The following NRXN1 variants were observed in gnomAD, a reference collection of about 807,000 sequenced individuals.
The protein encoded by NRXN1 is neurexin-1.
A neutral mutation model predicts 150.9 loss-of-function variants in NRXN1; 39 were observed. The ratio of observed to expected loss-of-function variants is 0.26; its 90% CI spans 0.20 to 0.34. The LOEUF (loss-of-function observed/expected upper bound fraction) is 0.34. NRXN1 is among the 10% of genes least tolerant of loss of function. NRXN1 has a pLI of 1.00. For missense variants in NRXN1, 1,815 were observed against 1,949.9 expected (o/e 0.93, Z 1.30); for synonymous variants, 924 against 757.0 (o/e 1.22, Z -3.62).
chr2:50,975,877 G>T (rs1195187200), intron 2 of NRXN1, among the ~76,000 whole-genome samples: 1 of 152,092 alleles, frequency 6.6e-6, no homozygotes, highest in Non-Finnish European at 1.5e-5. Flanking sequence ...ATCAATGTTA[G>T]GGGAAGAAGA....
At chr2:50,549,161 C>T (rs2093558174) in intron 9 of NRXN1, among the ~76,000 whole-genome samples, 1 of 152,080 alleles carries the variant, frequency 6.6e-6, no homozygotes, top group Non-Finnish European at 1.5e-5. Flanking sequence ...ACCTCTGAAT[C>T]TTACTGTTTC....
intron 5 of NRXN1, among the ~76,000 whole-genome samples, chr2:50,761,576 C>A (rs913063024): frequency 2.0e-5 from 3 of 151,894 alleles, no homozygotes; most frequent in African/African-American, 7.2e-5. Context: ...GGTATTTCTT[C>A]ATAGCAGTAT....
chr2:50,449,474 A>G (rs1330555021), intron 17 of NRXN1, among the ~76,000 whole-genome samples: 4 of 152,178 alleles, frequency 2.6e-5, no homozygotes, highest in East Asian at 1.9e-4. Flanking sequence ...TGCTTCTTAC[A>G]CTTCCATGTG....
At chr2:50,534,289 G>A (rs943745202) in intron 10 of NRXN1, among the ~76,000 whole-genome samples, 5 of 152,284 alleles carry the variant, frequency 3.3e-5, no homozygotes, top group African/African-American at 1.2e-4. Flanking sequence ...CCAAAATTGG[G>A]CTGCAGAAGA....
At chr2:50,218,103 C>T (rs959639646) in intron 18 of NRXN1, among the ~76,000 whole-genome samples, 2 of 152,156 alleles carry the variant, frequency 1.3e-5, no homozygotes, top group South Asian at 4.1e-4. Context: ...TTCTTATATG[C>T]TACTATTATA....
chr2:50,357,691 A>G (rs1420270786), intron 17 of NRXN1, among the ~76,000 whole-genome samples: 2 of 152,200 alleles, frequency 1.3e-5, no homozygotes, highest in South Asian at 2.1e-4. Flanking sequence ...AATTTCATGC[A>G]TTAATAAAAT....
chr2:50,034,454 G>A (rs1689693391), intron 21 of NRXN1, among the ~76,000 whole-genome samples: 1 of 152,002 alleles, frequency 6.6e-6, no homozygotes, highest in African/African-American at 2.4e-5. Flanking sequence ...AGAACAAATG[G>A]ACACATACAG....
intron 21 of NRXN1, among the ~76,000 whole-genome samples, chr2:50,032,596 G>A (rs1895132): frequency 0.91 from 137,770 of 152,030 alleles, 62,492 homozygotes; most frequent in Middle Eastern, 0.94. Flanking sequence ...CTGTGTTCCC[G>A]GAAAATTCAT....
chr2:50,426,118 A>AACTGACCTTGCCTTTTT (rs2084460769), intron 17 of NRXN1, among the ~76,000 whole-genome samples: 1 of 152,208 alleles, frequency 6.6e-6, no homozygotes, highest in African/African-American at 2.4e-5. Context: ...CTTCAAGGTA[A>AACTGACCTTGCCTTTTT]ACTGACCTTG....
intron 5 of NRXN1, chr2:50,758,044 C>T (rs1398941180): frequency 2.6e-5 from 4 of 151,774 alleles, no homozygotes; most frequent in Admixed American, 2.0e-4. Context: ...GATTAGATAG[C>T]TCTCCTGCAT....
At chr2:50,080,858 G>A (rs528699104) in intron 19 of NRXN1, among the ~76,000 whole-genome samples, 15 of 152,266 alleles carry the variant, frequency 9.9e-5, no homozygotes, top group African/African-American at 3.6e-4. Context: ...CATTTCATTG[G>A]AAGCATGTTT....
At chr2:50,712,654 T>C (rs920998027) in intron 5 of NRXN1, among the ~76,000 whole-genome samples, 2 of 152,196 alleles carry the variant, frequency 1.3e-5, no homozygotes, top group African/African-American at 4.8e-5. Context: ...AACAGGGTTC[T>C]CACTTTGCTC....
At chr2:50,715,722 T>A (rs1055969269) in intron 5 of NRXN1, among the ~76,000 whole-genome samples, 1 of 152,166 alleles carries the variant, frequency 6.6e-6, no homozygotes, top group African/African-American at 2.4e-5. Flanking sequence ...TATATCTACA[T>A]GAAAAATTCT....
At chr2:50,584,971 G>C (rs1374735840) in intron 8 of NRXN1, among the ~76,000 whole-genome samples, 1 of 152,136 alleles carries the variant, frequency 6.6e-6, no homozygotes, top group Non-Finnish European at 1.5e-5. Context: ...ACTGCAGTTT[G>C]ATGCTGTTTC....
At chr2:51,011,828 G>T (rs1425275271) in intron 2 of NRXN1, among the ~76,000 whole-genome samples, 1 of 151,950 alleles carries the variant, frequency 6.6e-6, no homozygotes, top group African/African-American at 2.4e-5. Flanking sequence ...AGAGACAAAT[G>T]GCTTTGAAAG....
chr2:50,323,280 G>A (rs1245636289), intron 17 of NRXN1, among the ~76,000 whole-genome samples: 2 of 152,150 alleles, frequency 1.3e-5, no homozygotes, highest in African/African-American at 4.8e-5. Flanking sequence ...CCTGATTTAT[G>A]AGGTCTGGGT....
chr2:50,008,468 ATT>A (rs3046626), intron 21 of NRXN1, among the ~76,000 whole-genome samples: 2 of 136,364 alleles, frequency 1.5e-5, no homozygotes, highest in Non-Finnish European at 1.6e-5. Context: ...GAAGGATGCC[ATT>A]TTTTTTTTTT....
At chr2:50,630,887 T>G (rs1244298258) in intron 5 of NRXN1, among the ~76,000 whole-genome samples, 1 of 151,722 alleles carries the variant, frequency 6.6e-6, no homozygotes, top group Non-Finnish European at 1.5e-5. Flanking sequence ...GATGTACACA[T>G]TAGAAGTCTG....
chr2:50,547,371 A>G (rs1167438477), intron 9 of NRXN1: 1 of 152,208 alleles, frequency 6.6e-6, no homozygotes, highest in East Asian at 1.9e-4. Context: ...ACTTTGACTG[A>G]GCCAGAGTTT....
Sources: allele counts gnomAD v4.1 joint callset (sites outside exome capture counted in the v4.1 genomes callset), GRCh38; gene constraint gnomAD v4.1.1; transcripts MANE v1.5; gene names NCBI Gene and HGNC (gene_info 2026-07-23, HGNC 2026-07-21).